RMP24: variants seen among roughly 807,000 people sequenced by gnomAD.
The protein encoded by RMP24 is ribonuclease MRP protein subunit p24.
At chr18:35,973,986 A>T in the RMP24 span, 2 of 152,412 alleles carry the variant, frequency 1.3e-5, no homozygotes, top group Admixed American at 1.3e-4. Context: ...AAGGATTGTA[A>T]GGCCCTGTGT....
the RMP24 span, chr18:35,972,861 C>A: frequency 6.2e-7 from 1 of 1,614,212 alleles, no homozygotes; most frequent in Non-Finnish European, 8.5e-7. Flanking sequence ...CTTTGCTCCT[C>A]ACAAGTCTCT....
the RMP24 span, among the ~76,000 whole-genome samples, chr18:35,974,362 A>G: frequency 6.6e-6 from 1 of 152,192 alleles, no homozygotes; most frequent in Non-Finnish European, 1.5e-5. Context: ...AGTGCCTGGC[A>G]TTCTTAATTG....
the RMP24 span, among the ~76,000 whole-genome samples, chr18:35,975,474 A>T: frequency 2.6e-5 from 4 of 152,178 alleles, no homozygotes; most frequent in East Asian, 1.9e-4. Flanking sequence ...GTATGTAGGT[A>T]TCATGTCACT....
At chr18:35,972,735 C>G in the RMP24 span, 1 of 1,611,120 alleles carries the variant, frequency 6.2e-7, no homozygotes, top group Non-Finnish European at 8.5e-7. Context: ...GGCGATGAGA[C>G]AGAAGCACTA....
chr18:35,972,975 G>A, the RMP24 span: 1 of 1,591,880 alleles, frequency 6.3e-7, no homozygotes, highest in Admixed American at 1.7e-5. Flanking sequence ...TCCGCACAAC[G>A]CTCAAATAAG....
the RMP24 span, chr18:35,972,722 G>T: frequency 6.2e-7 from 1 of 1,605,252 alleles, no homozygotes. Flanking sequence ...CGGCAGCGGC[G>T]GCGGCGATGA....
At chr18:35,978,998 T>C in the RMP24 span, 1 of 1,577,890 alleles carries the variant, frequency 6.3e-7, no homozygotes. Context: ...GGGTGGACTT[T>C]TAAAATAAGA....
the RMP24 span, chr18:35,974,750 T>A: frequency 1.3e-6 from 1 of 756,182 alleles, no homozygotes; most frequent in Non-Finnish European, 2.1e-6. Flanking sequence ...TGCCAATTTA[T>A]CTTTTTGTAA....
the RMP24 span, among the ~76,000 whole-genome samples, chr18:35,978,106 C>T: frequency 6.6e-6 from 1 of 152,214 alleles, no homozygotes; most frequent in South Asian, 2.1e-4. Flanking sequence ...GGTCCTTATG[C>T]ACCATTTGTC....
chr18:35,975,274 TTTTA>T, the RMP24 span, among the ~76,000 whole-genome samples: 1 of 152,340 alleles, frequency 6.6e-6, no homozygotes, highest in African/African-American at 2.4e-5. Flanking sequence ...GACAGCTTAC[TTTTA>T]TTTTTCATGA....
chr18:35,977,673 A>C, the RMP24 span: 1 of 1,461,766 alleles, frequency 6.8e-7, no homozygotes, highest in Non-Finnish European at 9.2e-7. Context: ...TTTAATATAT[A>C]CTCCCTAAAT....
the RMP24 span, chr18:35,973,026 A>C: frequency 2.9e-5 from 38 of 1,288,842 alleles, no homozygotes; most frequent in Middle Eastern, 1.9e-4. Flanking sequence ...AACAACAACA[A>C]AGCCCGCATG....
At chr18:35,975,390 T>G in the RMP24 span, among the ~76,000 whole-genome samples, 1 of 152,242 alleles carries the variant, frequency 6.6e-6, no homozygotes, top group Non-Finnish European at 1.5e-5. Context: ...CCGTTATGGC[T>G]CCACCTAAAT....
the RMP24 span, chr18:35,977,482 A>G: frequency 1.2e-6 from 2 of 1,614,204 alleles, no homozygotes; most frequent in Non-Finnish European, 8.5e-7. Flanking sequence ...GTCAACATTG[A>G]AGAGCAATCC....
chr18:35,977,252 G>A, the RMP24 span, among the ~76,000 whole-genome samples: 153 of 151,962 alleles, frequency 1.0e-3, 1 homozygote, highest in African/African-American at 3.4e-3. Flanking sequence ...TCTGATTCTC[G>A]CTACTAGATT....
At chr18:35,977,512 C>T in the RMP24 span, 1 of 1,614,144 alleles carries the variant, frequency 6.2e-7, no homozygotes, top group South Asian at 1.1e-5. Context: ...TACAAGTAAA[C>T]TCAGCCTGAA....
the RMP24 span, chr18:35,979,197 C>A: frequency 2.1e-6 from 1 of 466,066 alleles, no homozygotes. Context: ...CTGTGAGGAT[C>A]AAAAAATATA....
chr18:35,973,162 A>T, the RMP24 span: 3 of 582,902 alleles, frequency 5.1e-6, no homozygotes, highest in Non-Finnish European at 9.2e-6. Flanking sequence ...TACGTAGTTC[A>T]CCTCTTCATT....
chr18:35,977,054 C>A, the RMP24 span, among the ~76,000 whole-genome samples: 2 of 151,988 alleles, frequency 1.3e-5, no homozygotes, highest in Non-Finnish European at 2.9e-5. Flanking sequence ...ATGGCGAAAC[C>A]CTGCCTACTA....
Sources: gnomAD v4.1 joint callset for allele counts (sites outside exome capture counted in the v4.1 genomes callset) on GRCh38, gnomAD v4.1.1 for gene constraint, MANE v1.5 for transcripts, NCBI Gene and HGNC (gene_info 2026-07-23, HGNC 2026-07-21) for gene names.